ITGA8: variants seen among roughly 807,000 people sequenced by gnomAD.
ITGA8 encodes integrin subunit alpha 8.
ITGA8 carries 91 observed loss-of-function variants against 142.3 expected under a neutral mutation model. The observed-to-expected ratio is 0.64, with a 90% CI of 0.54 to 0.76. ITGA8 has a LOEUF of 0.76. Among genes scored for constraint, ITGA8 ranks in the 30% least tolerant of loss-of-function variants. The pLI, the probability that ITGA8 is intolerant of heterozygous loss-of-function variation, is 0.00. For synonymous variants in ITGA8, 505 were observed against 485.2 expected (o/e 1.04, Z -0.54); for missense variants, 1,406 against 1,327.7 (o/e 1.06, Z -0.92).
At chr10:15,519,147 C>T (rs942625166) in intron 29 of ITGA8, 143 bp downstream of exon 29, 13 of 869,640 alleles carry the variant, frequency 1.5e-5, no homozygotes, top group Non-Finnish European at 2.3e-5. Context: ...AAACAAGACA[C>T]GATTTTCCCT....
chr10:15,682,043 G>A (rs576494041), intron 4 of ITGA8, among the ~76,000 whole-genome samples: 1 of 152,278 alleles, frequency 6.6e-6, no homozygotes, highest in East Asian at 1.9e-4. Context: ...GTTGTTGCCT[G>A]AGTCCGGGAA....
chr10:15,577,145 A>G (rs1401787259), intron 23 of ITGA8, among the ~76,000 whole-genome samples: 3 of 152,106 alleles, frequency 2.0e-5, no homozygotes, highest in Non-Finnish European at 2.9e-5. Flanking sequence ...TTCTAGGGAA[A>G]CTTTTATTTA....
At chr10:15,595,509 A>C (rs898984578) in intron 21 of ITGA8, among the ~76,000 whole-genome samples, 4 of 152,214 alleles carry the variant, frequency 2.6e-5, no homozygotes, top group African/African-American at 7.2e-5. Context: ...CTGACTTCTA[A>C]AGACTATTTG....
chr10:15,713,481 A>G (rs549719673), intron 2 of ITGA8, among the ~76,000 whole-genome samples: 1 of 152,238 alleles, frequency 6.6e-6, no homozygotes, highest in South Asian at 2.1e-4. Flanking sequence ...TCCTGTCCCT[A>G]AGTCCTATCA....
chr10:15,608,273 C>T lies in ITGA8; in HGVS notation c.1571G>A (p.Cys524Tyr), dbSNP rs756181285. The T allele has an allele frequency of 1.3e-5, 21 of 1,593,468 alleles. No homozygotes were observed. Among genetic ancestry groups the T allele is most frequent in the Non-Finnish European group, 1.5e-5 (17 of 1,171,694 alleles). ...TSAACFSLRV[C>Y]ASVTGQSIAN... ...AATGCTCTGGCCTGTGACAGATGCA[C>T]ATACTCTTAAAGAAAAGCTATAGAA... Residue 524 changes from cysteine to tyrosine, a missense_variant, in exon 16 of 30, where the codon TGT (cysteine) becomes TAT (tyrosine). Physicochemically the swap from Cys to Tyr is radical, Grantham distance 194 (BLOSUM62 -2). Coordinates refer to ENST00000378076, the MANE Select transcript of ITGA8 (RefSeq NM_003638.3).
In ITGA8 at chr10:15,653,727, G is replaced by A. The variant is rs1158800205; in HGVS notation, c.1001+1627C>T. 2.0e-5 allele frequency among the ~76,000 whole-genome samples: 3 copies of A among 152,154 alleles called. No homozygotes were observed. The South Asian group carries it at 6.2e-4, about 32-fold the overall frequency. ...GCCATAGTGGTGCCTCTTCCAGAAT[G>A]TCATAGAATTAGAATCATATAGCAT... On this transcript the variant is annotated intron_variant, in intron 11 of 29. Transcript: ENST00000378076.
intron 27 of ITGA8, among the ~76,000 whole-genome samples, chr10:15,540,651 C>A (rs960500930): frequency 6.6e-6 from 1 of 152,196 alleles, no homozygotes; most frequent in Non-Finnish European, 1.5e-5. Context: ...TGAGCCCAAG[C>A]TCCTCATGGA....
intron 17 of ITGA8, among the ~76,000 whole-genome samples, chr10:15,606,926 A>T (rs1833206523): frequency 6.6e-6 from 1 of 152,194 alleles, no homozygotes; most frequent in African/African-American, 2.4e-5. Flanking sequence ...CTTTTGGAAA[A>T]AGAAACAGAA....
chr10:15,676,764 T>A (rs1251116356), intron 6 of ITGA8, among the ~76,000 whole-genome samples: 1 of 152,128 alleles, frequency 6.6e-6, no homozygotes, highest in Non-Finnish European at 1.5e-5. Context: ...ATCCTAGCAT[T>A]TTGGGAGGCT....
In ITGA8 at chr10:15,644,072, T is replaced by G; in HGVS notation, c.1357A>C (p.Thr453Pro). The change falls in exon 13 of 30, where the codon ACT becomes CCT. Residue 453 changes from threonine (T) to proline (P), a missense_variant. Thr to Pro is a conservative substitution (Grantham distance 38). Transcript: ENST00000378076. Reference sequence around the variant, plus strand: ...TCTATGTCTGAATCTCCTCTTAAAGTAAAGCCAAATCCGGAAGGGACAGCA... The same window carrying G: ...TCTATGTCTGAATCTCCTCTTAAAGGAAAGCCAAATCCGGAAGGGACAGCA... ...SHAVPSGFGFTLRGDSDIDKN... is the reference protein window; with the variant it reads ...SHAVPSGFGFPLRGDSDIDKN... 1 of 1,613,984 alleles carries G rather than the reference T, an allele frequency of 6.2e-7. No individual in the cohort carries two copies. Among genetic ancestry groups the G allele is most frequent in the Non-Finnish European group, 8.5e-7 (1 of 1,179,942 alleles).
At chr10:15,592,437 G>A in intron 21 of ITGA8, 133 bp from the exon 22 acceptor site, 1 of 661,606 alleles carries the variant, frequency 1.5e-6, no homozygotes, top group Non-Finnish European at 2.6e-6. Context: ...CCAGGTGGCT[G>A]AGAGCCAAGA....
Position 15,701,321 on chromosome 10 carries a change from G to C in ITGA8, c.344-13283C>G, listed in dbSNP as rs184159525. ...TGAATCGTTTGAGCCTTTACCATGAGTATTAGTACATCTGTGATCTGAAAA... is the reference window on the plus strand; with the variant it reads ...TGAATCGTTTGAGCCTTTACCATGACTATTAGTACATCTGTGATCTGAAAA... On this transcript the variant is annotated intron_variant, in intron 2 of 29. Transcript: ENST00000378076. Among the ~76,000 whole-genome samples the C allele has an allele frequency of 2.9e-4, 44 of 152,248 alleles. No homozygotes were observed. The East Asian group carries it at 7.7e-3, about 27-fold the overall frequency.
chr10:15,589,352 A>G (rs11819080), intron 22 of ITGA8, among the ~76,000 whole-genome samples: 5,020 of 152,258 alleles, frequency 0.033, 286 homozygotes, highest in African/African-American at 0.11. Flanking sequence ...ACAGTCACCA[A>G]GACCTGTTTG....
intron 2 of ITGA8, among the ~76,000 whole-genome samples, chr10:15,695,939 T>C (rs1324623038): frequency 3.9e-5 from 6 of 152,226 alleles, no homozygotes; most frequent in Non-Finnish European, 8.8e-5. Context: ...AATTCCTTGA[T>C]CTGCAGGTAG....
rs869241754 is a variant in ITGA8 at position 15,556,018 on chromosome 10, C to CTTTTTT, written c.2766+2050_2766+2055dup. Among the ~76,000 whole-genome samples, 23 of 53,634 alleles carry CTTTTTT rather than the reference C, an allele frequency of 4.3e-4. 5 individuals carry two copies. Among genetic ancestry groups the CTTTTTT allele is most frequent in the East Asian group, 1.2e-3 (2 of 1,714 alleles). 35.2% of individuals were successfully genotyped at this position (53,634 alleles called of 152,430 possible). A position where few individuals can be genotyped will look rare whatever the true frequency, so the allele number is the denominator to read the frequency against. On this transcript the variant is annotated intron_variant, in intron 26 of 29. Transcript: ENST00000378076. ...GTCTTCTGCCAGGGTCTCTCTCTCT[C>CTTTTTT]TTTTTTTTTTTTTTTTTTTTTTTTT...
intron 28 of ITGA8, among the ~76,000 whole-genome samples, chr10:15,524,615 G>A (rs911395412): frequency 6.6e-6 from 1 of 152,250 alleles, no homozygotes. Context: ...ATGTGCAGGT[G>A]GAAACCAGTA....
At chr10:15,688,084 G>A (rs781584039) in intron 2 of ITGA8, 46 bp from the exon 3 acceptor site, 1 of 1,266,318 alleles carries the variant, frequency 7.9e-7, no homozygotes, top group Non-Finnish European at 1.2e-6. Context: ...AAATGTGGCA[G>A]CCAATTAAAA....
chr10:15,692,038 A>C (rs2131713555), intron 2 of ITGA8, among the ~76,000 whole-genome samples: 1 of 152,248 alleles, frequency 6.6e-6, no homozygotes, highest in Middle Eastern at 3.4e-3. Flanking sequence ...TCTGGGCTCA[A>C]GTGATCCTCC....
intron 2 of ITGA8, among the ~76,000 whole-genome samples, chr10:15,702,583 G>A (rs1393255675): frequency 6.6e-6 from 1 of 152,104 alleles, no homozygotes; most frequent in Admixed American, 6.5e-5. Context: ...GAGCCACCGC[G>A]CGTGGCCCAC....
Sources: allele counts gnomAD v4.1 joint callset (sites outside exome capture counted in the v4.1 genomes callset), GRCh38; gene constraint gnomAD v4.1.1; transcripts MANE v1.5; gene names NCBI Gene and HGNC (gene_info 2026-07-23, HGNC 2026-07-21).